Variants in RYR1 observed in about 807,000 individuals in gnomAD.
RYR1 encodes central core disease of muscle.
RYR1 carries 342 observed loss-of-function variants against 583.5 expected under a neutral mutation model. That is an observed-to-expected ratio of 0.59 (90% CI 0.54 to 0.64). The LOEUF is 0.64. Among genes scored for constraint, RYR1 ranks in the 30% least tolerant of loss-of-function variants. The probability of loss-of-function intolerance (pLI) is 0.00; values close to 1 mark genes in which losing one functional copy is unlikely to be tolerated. For synonymous variants in RYR1, 2,791 were observed against 2,822.5 expected, an observed-to-expected ratio of 0.99 and a Z score of 0.35; for missense variants, 6,032 against 6,917.2, an observed-to-expected ratio of 0.87 and a Z score of 4.54.
At chr19:38,569,705 G>T (rs1973626579) in intron 93 of RYR1, among the ~76,000 whole-genome samples, 1 of 152,176 alleles carries the variant, frequency 6.6e-6, no homozygotes, top group Non-Finnish European at 1.5e-5. Context: ...CCACTCGTTG[G>T]TTATGTTACC....
At chr19:38,514,493 C>T (rs543586605) in intron 63 of RYR1, among the ~76,000 whole-genome samples, 1 of 151,946 alleles carries the variant, frequency 6.6e-6, no homozygotes, top group African/African-American at 2.4e-5. Context: ...GTTGCCCAGG[C>T]TGGTCTCGAA....
chr19:38,448,316 G>A (rs1303102972), intron 9 of RYR1, 39 bp from the exon 10 acceptor site: 1 of 1,595,968 alleles, frequency 6.3e-7, no homozygotes, highest in South Asian at 1.1e-5. Context: ...GGGAGAACTG[G>A]GGGGTCCTCT....
At chr19:38,474,732 AC>A (rs796514154) in intron 28 of RYR1, among the ~76,000 whole-genome samples, 41 of 139,514 alleles carry the variant, frequency 2.9e-4, no homozygotes, top group African/African-American at 1.1e-3. Context: ...GTGCCACCAC[AC>A]CCGGCTAATT....
intron 102 of RYR1, 68 bp downstream of exon 102, chr19:38,585,167 A>G: frequency 6.4e-7 from 1 of 1,572,388 alleles, no homozygotes; most frequent in Non-Finnish European, 8.7e-7. Flanking sequence ...ATGCAGGCCC[A>G]GGATCCAGTC....
At chr19:38,532,758 T>C in intron 78 of RYR1, 22 bp downstream of exon 78, 1 of 1,612,406 alleles carries the variant, frequency 6.2e-7, no homozygotes, top group Non-Finnish European at 8.5e-7. Context: ...CAGGAGGTCC[T>C]GGAGGGAAGG....
In RYR1 at chr19:38,517,700, G is replaced by C; in HGVS notation, c.10018+9G>C. ...GATGAAGCGGCTGGCTGGTGGGTCGGGGGGCACTGGGCCTCTGAGGGGTGG... is the reference window on the plus strand; with the variant it reads ...GATGAAGCGGCTGGCTGGTGGGTCGCGGGGCACTGGGCCTCTGAGGGGTGG... On this transcript the variant is annotated intron_variant, in intron 66 of 105. Coordinates refer to ENST00000359596, the MANE Select transcript of RYR1 (RefSeq NM_000540.3). 3 of 1,613,892 alleles carry C rather than the reference G, an allele frequency of 1.9e-6. No homozygotes were observed. Among genetic ancestry groups the C allele is most frequent in the Non-Finnish European group, 1.7e-6 (2 of 1,179,786 alleles).
chr19:38,496,146 C>CA lies in RYR1; in HGVS notation c.6549-68dup, dbSNP rs1322414336. The CA allele has an allele frequency of 8.7e-6, 11 of 1,265,870 alleles. No individual in the cohort carries two copies. Among genetic ancestry groups the CA allele is most frequent in the Non-Finnish European group, 1.3e-5 (11 of 869,468 alleles). The allele number at this position is 1,265,870 out of a possible 1,614,324, so 78.4% of individuals were successfully genotyped here. On this transcript the variant is annotated intron_variant, in intron 39 of 105. Transcript: ENST00000359596. This position sits in a 1 kb window ranked among gnomAD's most constrained non-coding sequence, Gnocchi z 4.8. The stretch of plus-strand genomic sequence containing the variant: ...AGAGGGTCAAGAATGCCAACGCTGT[C>CA]ACAGTGGTGGCTATGGCCCTCTCCG...
At chr19:38,523,565 TATC>T in intron 69 of RYR1, 1 of 603,888 alleles carries the variant, frequency 1.7e-6, no homozygotes, top group South Asian at 2.0e-5. Flanking sequence ...CCTCCTCCTG[TATC>T]TTCTCCCTCC....
In RYR1 at chr19:38,493,729, A is replaced by G. The variant is rs1179362131; in HGVS notation, c.6275-623A>G. On this transcript the variant is annotated intron_variant, in intron 38 of 105. Coordinates refer to ENST00000359596, the MANE Select transcript of RYR1 (RefSeq NM_000540.3). ...GAGACGGGGCTTCACCATGTTGGCC[A>G]GGCTGGTCTCAAACTCCTGACCTCA... is the stretch of plus-strand genomic sequence containing the variant. Among the ~76,000 whole-genome samples, 5 of 152,032 alleles carry G rather than the reference A, an allele frequency of 3.3e-5. No homozygotes were observed. The East Asian group carries it at 9.6e-4, about 29-fold the overall frequency.
At chr19:38,511,985 A>C in intron 61 of RYR1, 87 bp from the exon 62 acceptor site, 3 of 1,459,392 alleles carry the variant, frequency 2.1e-6, no homozygotes, top group Admixed American at 1.9e-5. Flanking sequence ...AGCCTCAGGA[A>C]GAGAGCGGTT....
intron 2 of RYR1, among the ~76,000 whole-genome samples, chr19:38,441,966 AGAGGAGGACACAGAAC>A (rs1972708736): frequency 6.6e-6 from 1 of 151,754 alleles, no homozygotes; most frequent in African/African-American, 2.4e-5. Flanking sequence ...GGTCATCTGC[AGAGGAGGACACAGAAC>A]AGGAGATTCC....
chr19:38,532,017 G>A (rs751441568), intron 76 of RYR1, among the ~76,000 whole-genome samples: 2 of 152,086 alleles, frequency 1.3e-5, no homozygotes, highest in Non-Finnish European at 2.9e-5. Flanking sequence ...AGTCCTCATC[G>A]GCCATGCATT....
chr19:38,527,997 A>C (rs1003855841), intron 73 of RYR1: 1 of 624,712 alleles, frequency 1.6e-6, no homozygotes, highest in African/African-American at 1.9e-5. Flanking sequence ...GGGAAGGGGC[A>C]GATCTTTAGG....
chr19:38,506,405 C>T, intron 55 of RYR1, 28 bp downstream of exon 55: 1 of 1,613,712 alleles, frequency 6.2e-7, no homozygotes, highest in Non-Finnish European at 8.5e-7. Context: ...TTTGGGGGGA[C>T]ATAGGGTGTC....
chr19:38,531,692 G>A (rs1971746401), intron 76 of RYR1, among the ~76,000 whole-genome samples: 2 of 152,090 alleles, frequency 1.3e-5, no homozygotes, highest in Admixed American at 1.3e-4. Context: ...ACTTTGGGAG[G>A]CCAGGAGTTT....
rs943829456 is a variant in RYR1, at chr19:38,469,068, A to G, written c.3484A>G (p.Thr1162Ala). Residue 1162 changes from threonine (T) to alanine (A), a missense_variant, in exon 26 of 106, where the codon ACC becomes GCC. This residue lies in a region of RYR1 where 2,627 missense variants were observed against 2,961.3 expected (regional missense o/e 0.89). Coordinates refer to ENST00000359596, the MANE Select transcript of RYR1 (RefSeq NM_000540.3). ...IDLTENTIIFTLNGEVLMSDS... is the reference protein window; with the variant it reads ...IDLTENTIIFALNGEVLMSDS... The stretch of plus-strand genomic sequence containing the variant: ...CCTCACAGAGAACACCATTATCTTC[A>G]CCCTCAATGGCGAGGTCCTCATGTC... The G allele has an allele frequency of 1.2e-6, 2 of 1,613,786 alleles. No homozygotes were observed. Among genetic ancestry groups the G allele is most frequent in the Non-Finnish European group, 8.5e-7 (1 of 1,179,966 alleles).
In RYR1 at chr19:38,456,262, C is replaced by T. The variant is rs1423739910; in HGVS notation, c.1791+511C>T. On this transcript the variant is annotated intron_variant, in intron 16 of 105. Coordinates refer to ENST00000359596, the MANE Select transcript of RYR1 (RefSeq NM_000540.3). ...ATGCTGGAATTACAGGCGTGAACCACCAGCGCCTGGCATTTTTTTTTTTTT... is the reference window on the plus strand; with the variant it reads ...ATGCTGGAATTACAGGCGTGAACCATCAGCGCCTGGCATTTTTTTTTTTTT... 3.5e-5 allele frequency among the ~76,000 whole-genome samples: 5 copies of T among 144,314 alleles called. No individual in the cohort carries two copies. The South Asian group carries it at 8.7e-4, about 25-fold the overall frequency. 94.7% of individuals were successfully genotyped at this position (144,314 alleles called of 152,430 possible). A position where few individuals can be genotyped will look rare whatever the true frequency, so the allele number is the denominator to read the frequency against.
chr19:38,556,012 C>A (rs1278944489), intron 89 of RYR1, among the ~76,000 whole-genome samples: 4 of 151,876 alleles, frequency 2.6e-5, no homozygotes, highest in Non-Finnish European at 4.4e-5. Flanking sequence ...TACAGGCATG[C>A]GCCACCACAC....
chr19:38,538,233 A>T (rs1972059047), intron 84 of RYR1, among the ~76,000 whole-genome samples: 3 of 152,132 alleles, frequency 2.0e-5, no homozygotes, highest in Admixed American at 1.3e-4. Context: ...CCCCGTCTCT[A>T]CTAAAAATAT....
Sources: gnomAD v4.1 joint callset for allele counts (sites outside exome capture counted in the v4.1 genomes callset) on GRCh38, gnomAD v4.1.1 for gene constraint, gnomAD v4.1.1 regional missense constraint, Gnocchi (gnomAD v3.1) non-coding constraint, MANE v1.5 for transcripts, NCBI Gene and HGNC (gene_info 2026-07-23, HGNC 2026-07-21) for gene names.